FBXO3: variants seen among roughly 807,000 people sequenced by gnomAD.
The protein encoded by FBXO3 is F-box protein 3, also known as F-box only protein 3.
Under a neutral mutation model 64.8 loss-of-function variants are expected in FBXO3, and 17 were observed. The ratio of observed to expected loss-of-function variants is 0.26; its 90% CI spans 0.18 to 0.39. The LOEUF (loss-of-function observed/expected upper bound fraction) is 0.39, where lower values mean the gene tolerates loss of function less well. Ranked by LOEUF, FBXO3 falls within the 10% of genes least tolerant of loss-of-function variation. FBXO3 has a pLI of 1.00. For synonymous variants in FBXO3, 182 were observed against 201.6 expected, an observed-to-expected ratio of 0.90 and a Z score of 0.82; for missense variants, 420 against 589.9, an observed-to-expected ratio of 0.71 and a Z score of 2.98.
At chr11:33,744,600 G>A (rs1854768470) in intron 10 of FBXO3, 1 of 152,076 alleles carries the variant, frequency 6.6e-6, no homozygotes, top group Non-Finnish European at 1.5e-5. Context: ...CAACCCCCAT[G>A]GCTTTTTTAA....
intron 4 of FBXO3, among the ~76,000 whole-genome samples, chr11:33,757,671 A>T: frequency 7.0e-6 from 1 of 143,690 alleles, no homozygotes; most frequent in African/African-American, 2.5e-5. Context: ...AAAAAAAAAA[A>T]AAAAAAAAAA....
At position 33,747,280 on chromosome 11, in the gene FBXO3, G is replaced by A. The variant is rs756937035; in HGVS notation, c.1089C>T (p.Tyr363=). The A allele has an allele frequency of 1.9e-5, 31 of 1,613,386 alleles. No homozygotes were observed. Among genetic ancestry groups the A allele is most frequent in the Non-Finnish European group, 2.6e-5 (31 of 1,179,860 alleles). Residue 363 remains tyrosine (Y), a synonymous_variant, in exon 10 of 11, where the codon TAC becomes TAT. Coordinates refer to ENST00000265651, the MANE Select transcript of FBXO3 (RefSeq NM_012175.4). ...TTGTAGAGAATGTGGTACAGCTTGT[G>A]TATTCATATACCCGACCTGGGCTGA... The part of the protein sequence containing the change: ...PIISPGRVYE[Y]TSCTTFSTTS...
chr11:33,745,446 A>C (rs1404795599), intron 10 of FBXO3: 2 of 152,132 alleles, frequency 1.3e-5, no homozygotes, highest in Non-Finnish European at 2.9e-5. Flanking sequence ...ATAAACCATA[A>C]TTTTGGGCCA....
chr11:33,770,116 C>T (rs995803245), intron 2 of FBXO3, among the ~76,000 whole-genome samples: 2 of 152,252 alleles, frequency 1.3e-5, no homozygotes, highest in South Asian at 2.1e-4. Context: ...AAGGGAAACA[C>T]GGGAAGATCT....
chr11:33,766,627 T>G (rs550679765), intron 3 of FBXO3, among the ~76,000 whole-genome samples: 30 of 152,352 alleles, frequency 2.0e-4, no homozygotes, highest in South Asian at 1.7e-3. Context: ...TGAAAATATG[T>G]GACAACAATA....
At chr11:33,770,104 CA>C (rs1855476939) in intron 2 of FBXO3, among the ~76,000 whole-genome samples, 1 of 152,200 alleles carries the variant, frequency 6.6e-6, no homozygotes, top group African/African-American at 2.4e-5. Flanking sequence ...ACTGATACCC[CA>C]AAGGGAAACA....
chr11:33,761,768 A>G (rs988765691), intron 3 of FBXO3, among the ~76,000 whole-genome samples: 1 of 152,120 alleles, frequency 6.6e-6, no homozygotes, highest in Non-Finnish European at 1.5e-5. Flanking sequence ...TCCTCTTCCA[A>G]GCTCACTGGT....
intron 4 of FBXO3, among the ~76,000 whole-genome samples, chr11:33,757,671 A>AAAAAAAAAAAAAAAAAAAAAAAAAAAAAT (rs1301753464): frequency 7.0e-6 from 1 of 143,690 alleles, no homozygotes; most frequent in African/African-American, 2.5e-5. Context: ...AAAAAAAAAA[A>AAAAAAAAAAAAAAAAAAAAAAAAAAAAAT]AAAAAAAAAA....
At chr11:33,767,413 C>A (rs1389038818) in intron 3 of FBXO3, among the ~76,000 whole-genome samples, 1 of 152,228 alleles carries the variant, frequency 6.6e-6, no homozygotes, top group African/African-American at 2.4e-5. Flanking sequence ...CATTCTCCTG[C>A]CTCAGCCTCC....
chr11:33,772,673 C>T (rs895086943), intron 1 of FBXO3: 2 of 152,278 alleles, frequency 1.3e-5, no homozygotes, highest in African/African-American at 4.8e-5. Flanking sequence ...CAATCTATTT[C>T]CTTCACAGCA....
At chr11:33,745,417 A>G (rs904179524) in intron 10 of FBXO3, 6 of 152,148 alleles carry the variant, frequency 3.9e-5, no homozygotes, top group Non-Finnish European at 8.8e-5. Flanking sequence ...TTTCAAATAT[A>G]CAAGGATCAT....
intron 2 of FBXO3, among the ~76,000 whole-genome samples, 186 bp from the exon 3 acceptor site, chr11:33,769,200 C>A (rs1269053772): frequency 6.6e-6 from 1 of 152,072 alleles, no homozygotes; most frequent in Non-Finnish European, 1.5e-5. Context: ...TTACTACTGG[C>A]ATGGTGGAAT....
chr11:33,766,299 G>T (rs908100579), intron 3 of FBXO3, among the ~76,000 whole-genome samples: 1 of 152,192 alleles, frequency 6.6e-6, no homozygotes, highest in Non-Finnish European at 1.5e-5. Context: ...CTCCGGGTAT[G>T]TTTCTTCAAC....
intron 10 of FBXO3, chr11:33,742,545 T>C (rs554785731): frequency 2.0e-5 from 3 of 153,068 alleles, no homozygotes; most frequent in African/African-American, 7.2e-5. Context: ...TCACAGAAGG[T>C]AGCAAACAGA....
At chr11:33,758,102 T>C (rs1406492117) in intron 4 of FBXO3, among the ~76,000 whole-genome samples, 1 of 152,218 alleles carries the variant, frequency 6.6e-6, no homozygotes, top group Non-Finnish European at 1.5e-5. Flanking sequence ...GATTGCTCTT[T>C]ACATGTATAG....
chr11:33,757,681 A>AAAAAAAAAAAAATT, intron 4 of FBXO3, among the ~76,000 whole-genome samples: 1 of 143,188 alleles, frequency 7.0e-6, no homozygotes, highest in Non-Finnish European at 1.5e-5. Context: ...AAAAAAAAAA[A>AAAAAAAAAAAAATT]GTCTGGGTGG....
At chr11:33,763,507 G>C (rs1170072237) in intron 3 of FBXO3, among the ~76,000 whole-genome samples, 2 of 151,078 alleles carry the variant, frequency 1.3e-5, no homozygotes, top group Admixed American at 1.3e-4. Context: ...GAAAAATCAT[G>C]AGAATCATAA....
In FBXO3 at chr11:33,774,387, C is replaced by T. The variant is rs1352729405; in HGVS notation, c.104+7G>A. 6.3e-7 allele frequency: 1 copy of T among 1,598,750 alleles called. No individual in the cohort carries two copies. The highest frequency in any genetic ancestry group is 1.7e-5 in the Admixed American group (1 of 58,824). ...CCCCACCCCTGCCATGCGTGTCGTC[C>T]CATTACTTGATTAGATCCCGATAGT... On this transcript the variant is annotated splice_region_variant and intron_variant, in intron 1 of 10. Coordinates refer to ENST00000265651, the MANE Select transcript of FBXO3 (RefSeq NM_012175.4).
At chr11:33,754,555 T>A in intron 5 of FBXO3, 55 bp from the exon 6 acceptor site, 2 of 1,478,234 alleles carry the variant, frequency 1.4e-6, no homozygotes, top group African/African-American at 2.8e-5. Context: ...AATTTTTCAT[T>A]GTTCATTATC....
Sources: allele counts gnomAD v4.1 joint callset (sites outside exome capture counted in the v4.1 genomes callset), GRCh38; gene constraint gnomAD v4.1.1; transcripts MANE v1.5; gene names NCBI Gene and HGNC (gene_info 2026-07-23, HGNC 2026-07-21).